The following UBASH3A variants were observed in gnomAD, a reference collection of about 807,000 sequenced individuals.
UBASH3A encodes the protein ubiquitin associated and SH3 domain containing A, also known as ubiquitin-associated and SH3 domain-containing protein A.
A neutral mutation model predicts 73.5 loss-of-function variants in UBASH3A; 63 were observed. That is an observed-to-expected ratio of 0.86 (90% CI 0.70 to 1.06). The LOEUF is 1.06. Ranked by LOEUF, UBASH3A falls within the 50% of genes least tolerant of loss-of-function variation. The pLI, the probability that UBASH3A is intolerant of heterozygous loss-of-function variation, is 0.00. For missense variants in UBASH3A, 860 were observed against 859.0 expected (o/e 1.00, Z -0.02); for synonymous variants, 363 against 351.1 (o/e 1.03, Z -0.38).
intron 8 of UBASH3A, among the ~76,000 whole-genome samples, chr21:42,430,747 G>A (rs2053513405): frequency 6.6e-6 from 1 of 152,212 alleles, no homozygotes; most frequent in African/African-American, 2.4e-5. Flanking sequence ...CCCTAAAGCA[G>A]GGATGCTGTG....
chr21:42,417,067 A>G (rs1196174193), intron 6 of UBASH3A, among the ~76,000 whole-genome samples: 2 of 152,156 alleles, frequency 1.3e-5, no homozygotes, highest in Non-Finnish European at 2.9e-5. Flanking sequence ...GCAATTTACA[A>G]CCAGCATTCT....
In UBASH3A at chr21:42,447,290, C is replaced by A; in HGVS notation, c.*96C>A. On this transcript the variant is annotated 3_prime_UTR_variant, in exon 15 of 15. Transcript: ENST00000319294. ...GCTGTTTCCAGAGGCGTCTTAGTCTCACCCAATGTGATTTGTAGAAGCACG... is the reference window on the plus strand; with the variant it reads ...GCTGTTTCCAGAGGCGTCTTAGTCTAACCCAATGTGATTTGTAGAAGCACG... 1.5e-6 allele frequency: 2 copies of A among 1,317,206 alleles called. No individual in the cohort carries two copies. Among genetic ancestry groups the A allele is most frequent in the Non-Finnish European group, 1.0e-6 (1 of 959,198 alleles). 81.6% of individuals were successfully genotyped at this position (1,317,206 alleles called of 1,614,324 possible).
In UBASH3A at chr21:42,403,970, T is replaced by A; in HGVS notation, c.25T>A (p.Tyr9Asn). The change falls in exon 1 of 15, where the codon TAC (tyrosine) becomes AAC (asparagine). Residue 9 changes from tyrosine (Y) to asparagine (N), a missense_variant. Transcript: ENST00000319294. MAAGETQL[Y>N]AKVSNKLKSR... ...GATGGCAGCGGGGGAGACGCAGCTC[T>A]ACGCCAAGGTCTCCAACAAGCTCAA... is the stretch of plus-strand genomic sequence containing the variant. 2.0e-6 allele frequency: 3 copies of A among 1,521,526 alleles called. No individual in the cohort carries two copies. The highest frequency in any genetic ancestry group is 2.7e-6 in the Non-Finnish European group (3 of 1,129,908). 94.3% of individuals were successfully genotyped at this position (1,521,526 alleles called of 1,614,324 possible).
intron 8 of UBASH3A, among the ~76,000 whole-genome samples, chr21:42,430,540 C>A (rs910834339): frequency 1.3e-5 from 2 of 152,162 alleles, no homozygotes; most frequent in Non-Finnish European, 2.9e-5. Context: ...AGGGATAGTG[C>A]CTGTCTGAGC....
chr21:42,441,574 G>C (rs1462229591), intron 11 of UBASH3A, among the ~76,000 whole-genome samples: 1 of 116,462 alleles, frequency 8.6e-6, no homozygotes, highest in Admixed American at 8.8e-5. Flanking sequence ...AGGAGGACTC[G>C]GGGGCCTGGT....
Position 42,416,524 on chromosome 21 carries a change from G to A in UBASH3A, c.750G>A (p.Glu250=). Residue 250 remains glutamate (E), a synonymous_variant, in exon 6 of 15, where the codon GAG becomes GAA. Transcript: ENST00000319294. ...ACCCCCACCACCAGAGGACGCTGGA[G>A]CAGCTGGCCAGAGCCATCCCCCTGG... ...KFYPHHQRTL[E]QLARAIPLGH... is the part of the protein sequence containing the mutation. 5.6e-6 allele frequency: 9 copies of A among 1,612,080 alleles called. No individual in the cohort carries two copies. Among genetic ancestry groups the A allele is most frequent in the Non-Finnish European group, 7.6e-6 (9 of 1,179,238 alleles).
chr21:42,419,005 T>G (rs1451284780), intron 7 of UBASH3A, among the ~76,000 whole-genome samples: 1 of 152,230 alleles, frequency 6.6e-6, no homozygotes, highest in Non-Finnish European at 1.5e-5. Context: ...AAATTACCAC[T>G]AAAACAAAGT....
intron 10 of UBASH3A, chr21:42,435,198 A>G (rs1363486969): frequency 1.1e-5 from 4 of 347,918 alleles, no homozygotes; most frequent in Non-Finnish European, 2.1e-5. Context: ...CAGGAATGAA[A>G]GAAAGGCATG....
chr21:42,447,468 C>A lies in UBASH3A; in HGVS notation c.*274C>A, dbSNP rs765104942. 4 of 336,024 alleles carry A rather than the reference C, an allele frequency of 1.2e-5. No homozygotes were observed. The highest frequency in any genetic ancestry group is 2.2e-5 in the Non-Finnish European group (4 of 185,830). 20.8% of individuals were successfully genotyped at this position (336,024 alleles called of 1,614,324 possible). On this transcript the variant is annotated 3_prime_UTR_variant, in exon 15 of 15. Coordinates refer to ENST00000319294, the MANE Select transcript of UBASH3A (RefSeq NM_018961.4). ...CTGCAGCATGTACACCGAGTGTCTG[C>A]AGCTGGGGACACAACTGCCCGGGAC...
chr21:42,438,914 G>GC (rs1271337609), intron 11 of UBASH3A, among the ~76,000 whole-genome samples: 7 of 152,108 alleles, frequency 4.6e-5, no homozygotes, highest in African/African-American at 1.7e-4. Flanking sequence ...CCCGCAGATG[G>GC]TGGTCTTGCT....
intron 12 of UBASH3A, 78 bp from the exon 13 acceptor site, chr21:42,443,234 C>A: frequency 6.7e-7 from 1 of 1,488,566 alleles, no homozygotes; most frequent in Non-Finnish European, 9.0e-7. Flanking sequence ...CGTTCTCCTT[C>A]CCCAGCTAAC....
chr21:42,429,521 G>T (rs79268926), intron 8 of UBASH3A, among the ~76,000 whole-genome samples: 1 of 152,162 alleles, frequency 6.6e-6, no homozygotes, highest in Admixed American at 6.5e-5. Flanking sequence ...ACTTCAGCCC[G>T]CAAGTTGAAA....
intron 1 of UBASH3A, among the ~76,000 whole-genome samples, chr21:42,405,946 G>A (rs1336972091): frequency 2.7e-5 from 4 of 148,294 alleles, no homozygotes; most frequent in Non-Finnish European, 4.5e-5. Flanking sequence ...CGAGCCAGGG[G>A]CACGTTCCGC....
chr21:42,427,340 C>G (rs1450876595), intron 8 of UBASH3A, among the ~76,000 whole-genome samples: 1 of 152,166 alleles, frequency 6.6e-6, no homozygotes, highest in South Asian at 2.1e-4. Context: ...ACATCACATC[C>G]CTGATCCCTG....
At chr21:42,440,775 T>A (rs1327484930) in intron 11 of UBASH3A, among the ~76,000 whole-genome samples, 1 of 152,212 alleles carries the variant, frequency 6.6e-6, no homozygotes, top group East Asian at 1.9e-4. Flanking sequence ...TTTCTTTCCC[T>A]ACCCAACCTC....
chr21:42,426,987 G>A (rs76665904), intron 8 of UBASH3A, among the ~76,000 whole-genome samples, 167 bp downstream of exon 8: 4,830 of 152,220 alleles, frequency 0.032, 84 homozygotes, highest in Non-Finnish European at 0.04. Context: ...GAGGGTGCCG[G>A]GGGTCCTGCC....
At chr21:42,421,378 A>G (rs1568921876) in intron 7 of UBASH3A, among the ~76,000 whole-genome samples, 1 of 152,222 alleles carries the variant, frequency 6.6e-6, no homozygotes, top group African/African-American at 2.4e-5. Flanking sequence ...GAGAGCCTGG[A>G]AAAACACCAT....
chr21:42,411,445 C>T (rs567288228), intron 3 of UBASH3A, among the ~76,000 whole-genome samples: 47 of 151,714 alleles, frequency 3.1e-4, no homozygotes, highest in African/African-American at 1.1e-3. Flanking sequence ...CACATACAGA[C>T]ACACACATAA....
chr21:42,443,124 G>T, intron 12 of UBASH3A, 188 bp from the exon 13 acceptor site: 1 of 1,398,392 alleles, frequency 7.2e-7, no homozygotes. Flanking sequence ...AAGAATGTGT[G>T]CTGGAGATTG....
Sources: gnomAD v4.1 joint callset for allele counts (sites outside exome capture counted in the v4.1 genomes callset) on GRCh38, gnomAD v4.1.1 for gene constraint, MANE v1.5 for transcripts, NCBI Gene and HGNC (gene_info 2026-07-23, HGNC 2026-07-21) for gene names.